Variants in NOL4 observed in about 807,000 individuals in gnomAD.
NOL4 encodes cancer/testis antigen 125.
A neutral mutation model predicts 75.9 loss-of-function variants in NOL4; 17 were observed. The ratio of observed to expected loss-of-function variants is 0.22; its 90% CI spans 0.15 to 0.34. The LOEUF (loss-of-function observed/expected upper bound fraction) is 0.34, where lower values mean the gene tolerates loss of function less well. Ranked by LOEUF, NOL4 falls within the 10% of genes least tolerant of loss-of-function variation. The pLI is 1.00. For synonymous variants in NOL4, 292 were observed against 289.9 expected (o/e 1.01, Z -0.07); for missense variants, 614 against 793.5 (o/e 0.77, Z 2.72).
At chr18:34,007,652 G>A (rs901803425) in intron 6 of NOL4, among the ~76,000 whole-genome samples, 1 of 151,788 alleles carries the variant, frequency 6.6e-6, no homozygotes, top group Admixed American at 6.6e-5. Flanking sequence ...ATGTACTGAC[G>A]CTATATTAGG....
At chr18:34,008,058 A>G (rs1240674913) in intron 6 of NOL4, among the ~76,000 whole-genome samples, 2 of 152,030 alleles carry the variant, frequency 1.3e-5, no homozygotes, top group African/African-American at 4.8e-5. Flanking sequence ...CACCAATGTG[A>G]GTGGGCATCA....
chr18:34,221,958 G>C, intron 1 of NOL4: 1 of 1,402,452 alleles, frequency 7.1e-7, no homozygotes, highest in Non-Finnish European at 9.7e-7. Flanking sequence ...ACCCCAAAGC[G>C]AGGCAAAAAT....
intron 9 of NOL4, among the ~76,000 whole-genome samples, chr18:33,912,837 T>C (rs944696056): frequency 6.6e-6 from 1 of 152,124 alleles, no homozygotes; most frequent in African/African-American, 2.4e-5. Context: ...ACCATAACTC[T>C]TTTGTTAGAC....
chr18:34,188,887 AT>A (rs1436324369), intron 1 of NOL4, among the ~76,000 whole-genome samples: 8 of 152,224 alleles, frequency 5.3e-5, no homozygotes, highest in African/African-American at 1.9e-4. Context: ...CCCAAGGTAC[AT>A]GACCTCAATG....
At chr18:33,935,323 A>C (rs1052703322) in intron 9 of NOL4, among the ~76,000 whole-genome samples, 1 of 152,144 alleles carries the variant, frequency 6.6e-6, no homozygotes, top group Non-Finnish European at 1.5e-5. Context: ...AGTCAGATAC[A>C]TGAGACTCTT....
chr18:34,156,247 CTG>C (rs1388138888), intron 1 of NOL4, among the ~76,000 whole-genome samples: 1 of 152,134 alleles, frequency 6.6e-6, no homozygotes, highest in Non-Finnish European at 1.5e-5. Context: ...TTGCCATATA[CTG>C]TGTGTTATAT....
At chr18:33,909,777 C>T (rs2066281132) in intron 9 of NOL4, among the ~76,000 whole-genome samples, 1 of 151,944 alleles carries the variant, frequency 6.6e-6, no homozygotes, top group African/African-American at 2.4e-5. Flanking sequence ...GATCCCTGCC[C>T]TCATGGGATT....
At chr18:34,121,915 C>A (rs2080159832) in intron 2 of NOL4, among the ~76,000 whole-genome samples, 1 of 152,154 alleles carries the variant, frequency 6.6e-6, no homozygotes, top group Non-Finnish European at 1.5e-5. Flanking sequence ...GTACTTGGGA[C>A]AATGCCACCT....
At chr18:34,077,270 T>G (rs1048646303) in intron 5 of NOL4, among the ~76,000 whole-genome samples, 1 of 152,126 alleles carries the variant, frequency 6.6e-6, no homozygotes, top group Non-Finnish European at 1.5e-5. Context: ...ATCATGCTAC[T>G]GCACTCCAGC....
intron 1 of NOL4, among the ~76,000 whole-genome samples, chr18:34,135,738 G>A (rs2145945176): frequency 6.8e-6 from 1 of 147,762 alleles, no homozygotes; most frequent in African/African-American, 2.5e-5. Flanking sequence ...AGCAGCCCAG[G>A]CCCAGACAGC....
Position 33,962,531 on chromosome 18 carries a change from G to A in NOL4, c.1057-4113C>T, listed in dbSNP as rs536489351. ...ATAACATATGTGTAGCATGCTTTAA[G>A]GATCATACTAACATATCATAACTAT... On this transcript the variant is annotated intron_variant, in intron 6 of 10. Transcript: ENST00000261592. 3.9e-5 allele frequency among the ~76,000 whole-genome samples: 6 copies of A among 152,212 alleles called. No homozygotes were observed. In the South Asian group the frequency reaches 1.2e-3, roughly 32 times the overall value.
chr18:33,893,506 A>C (rs2065219850), intron 9 of NOL4, among the ~76,000 whole-genome samples: 1 of 152,158 alleles, frequency 6.6e-6, no homozygotes, highest in South Asian at 2.1e-4. Context: ...ATGAAGTTTC[A>C]TTGATTCGAT....
rs1555696185 is a variant in NOL4 at position 34,024,194 on chromosome 18, AATAT to A, written c.773-4597_773-4594del. ...CAAAATAAACAGGAAAAAAAAAAAA[AATAT>A]ATATATATATATATATAAAATCCTC... is the stretch of plus-strand genomic sequence containing the variant. On this transcript the variant is annotated intron_variant, in intron 5 of 10. Coordinates refer to ENST00000261592, the MANE Select transcript of NOL4 (RefSeq NM_003787.5). Among the ~76,000 whole-genome samples the A allele has an allele frequency of 6.8e-4, 48 of 70,690 alleles. 1 individual carries two copies. Among genetic ancestry groups the A allele is most frequent in the African/African-American group, 2.0e-3 (37 of 18,968 alleles). The allele number at this position is 70,690 out of a possible 152,430, so 46.4% of individuals were successfully genotyped here. A position where few individuals can be genotyped will look rare whatever the true frequency, so the allele number is the denominator to read the frequency against.
chr18:34,050,760 T>C (rs1175982429), intron 5 of NOL4, among the ~76,000 whole-genome samples: 3 of 151,958 alleles, frequency 2.0e-5, no homozygotes, highest in Non-Finnish European at 4.4e-5. Flanking sequence ...TTATGGGAAA[T>C]AGGGAAAATG....
intron 10 of NOL4, among the ~76,000 whole-genome samples, chr18:33,874,771 C>T (rs115322915): frequency 0.014 from 2,171 of 152,052 alleles, 52 homozygotes; most frequent in African/African-American, 0.049. Context: ...AAATATGTTT[C>T]AGAATGCTGG....
At chr18:34,115,571 G>T (rs760549672) in intron 2 of NOL4, among the ~76,000 whole-genome samples, 28 of 151,224 alleles carry the variant, frequency 1.9e-4, no homozygotes, top group Admixed American at 5.3e-4. Context: ...GCAATAAAAG[G>T]TTGGGGTGGG....
chr18:34,142,179 C>A (rs1270139588), intron 1 of NOL4, among the ~76,000 whole-genome samples: 1 of 152,114 alleles, frequency 6.6e-6, no homozygotes, highest in Non-Finnish European at 1.5e-5. Flanking sequence ...AGTCAGGAAA[C>A]AACAGGTGCT....
At chr18:34,027,586 A>G (rs1402332768) in intron 5 of NOL4, among the ~76,000 whole-genome samples, 1 of 152,202 alleles carries the variant, frequency 6.6e-6, no homozygotes, top group South Asian at 2.1e-4. Context: ...ACTCTAAACC[A>G]CCTTTATTCT....
chr18:34,059,522 C>G (rs1158945990), intron 5 of NOL4, among the ~76,000 whole-genome samples: 2 of 152,128 alleles, frequency 1.3e-5, no homozygotes, highest in Admixed American at 6.5e-5. Context: ...GATAGATTAT[C>G]TTCTTCAGGG....
Sources: allele counts gnomAD v4.1 joint callset (sites outside exome capture counted in the v4.1 genomes callset), GRCh38; gene constraint gnomAD v4.1.1; transcripts MANE v1.5; gene names NCBI Gene and HGNC (gene_info 2026-07-23, HGNC 2026-07-21).